The following ITGA9 variants were observed in gnomAD, a reference collection of about 807,000 sequenced individuals.
The protein encoded by ITGA9 is integrin alpha-9.
ITGA9 carries 56 observed loss-of-function variants against 127.8 expected under a neutral mutation model. The ratio of observed to expected loss-of-function variants is 0.44; its 90% CI spans 0.35 to 0.55. ITGA9 has a LOEUF of 0.55. ITGA9 is among the 20% of genes least tolerant of loss of function. The probability of loss-of-function intolerance (pLI) is 0.00; values close to 1 mark genes in which losing one functional copy is unlikely to be tolerated. For missense variants in ITGA9, 1,196 were observed against 1,347.1 expected, an observed-to-expected ratio of 0.89 and a Z score of 1.76; for synonymous variants, 508 against 514.5, an observed-to-expected ratio of 0.99 and a Z score of 0.17.
chr3:37,542,324 A>C, intron 14 of ITGA9, 101 bp from the exon 15 acceptor site: 1 of 1,232,932 alleles, frequency 8.1e-7, no homozygotes, highest in Non-Finnish European at 1.2e-6. Context: ...AAGGGTAGGT[A>C]TCATATGAGA....
rs114568932 is a variant in ITGA9, at chr3:37,550,164, C to A, written c.1689+7579C>A. Among the ~76,000 whole-genome samples the A allele has an allele frequency of 2.5e-3, 388 of 152,312 alleles. 2 individuals carry two copies. The highest frequency in any genetic ancestry group is 8.8e-3 in the African/African-American group (365 of 41,560). ...AGAGGTAGGATTTAAACCCGCAAGT[C>A]TGGCTCCTAAGACTTGGGTTTAAAC... On this transcript the variant is annotated intron_variant, in intron 15 of 27. Coordinates refer to ENST00000264741, the MANE Select transcript of ITGA9 (RefSeq NM_002207.3).
intron 15 of ITGA9, among the ~76,000 whole-genome samples, chr3:37,622,673 G>A (rs531122716): frequency 1.3e-4 from 19 of 151,898 alleles, no homozygotes; most frequent in Non-Finnish European, 2.1e-4. Context: ...TGAAAACCCC[G>A]TCTCTACTAA....
At chr3:37,785,873 A>C (rs1697034816) in intron 26 of ITGA9, among the ~76,000 whole-genome samples, 1 of 152,158 alleles carries the variant, frequency 6.6e-6, no homozygotes, top group Non-Finnish European at 1.5e-5. Context: ...TCCTCCATAA[A>C]GTGCAGTTGG....
rs1471998262 is a variant in ITGA9, at chr3:37,821,240, G to T, written c.*2251G>T. The T allele has an allele frequency of 6.6e-6, 1 of 152,240 alleles. No individual in the cohort carries two copies. The highest frequency in any genetic ancestry group is 1.5e-5 in the Non-Finnish European group (1 of 68,054). The allele number at this position is 152,240 out of a possible 1,614,324, so 9.4% of individuals were successfully genotyped here. A position where few individuals can be genotyped will look rare whatever the true frequency, so the allele number is the denominator to read the frequency against. ...CAGGGAGCAGGACGAGGCAAAGAAA[G>T]CAGCTGTCACTCAGAGTTCGCTTAT... On this transcript the variant is annotated 3_prime_UTR_variant, in exon 28 of 28. Transcript: ENST00000264741.
At position 37,736,007 on chromosome 3, in the gene ITGA9, C is replaced by T. The variant is rs72859102; in HGVS notation, c.2155-897C>T. ...GCAGATTCAGTTCCTGGCGAGAGTTCTCTTCCTGGTTCATAAACAGAACCT... is the reference window on the plus strand; with the variant it reads ...GCAGATTCAGTTCCTGGCGAGAGTTTTCTTCCTGGTTCATAAACAGAACCT... On this transcript the variant is annotated intron_variant, in intron 19 of 27. Coordinates refer to ENST00000264741, the MANE Select transcript of ITGA9 (RefSeq NM_002207.3). 6.6e-3 allele frequency among the ~76,000 whole-genome samples: 1,002 copies of T among 152,328 alleles called. 13 individuals are homozygous for T. The highest frequency in any genetic ancestry group is 0.023 in the African/African-American group (947 of 41,564).
At chr3:37,471,454 A>G (rs1184065168) in intron 2 of ITGA9, among the ~76,000 whole-genome samples, 2 of 152,172 alleles carry the variant, frequency 1.3e-5, no homozygotes, top group African/African-American at 4.8e-5. Context: ...GGGTCAAGAA[A>G]GGTCTGGGAC....
At chr3:37,808,853 G>A (rs1240099076) in intron 27 of ITGA9, 2 of 152,154 alleles carry the variant, frequency 1.3e-5, no homozygotes, top group Non-Finnish European at 2.9e-5. Flanking sequence ...TCCAGCAGAT[G>A]GTCTGACTTT....
At chr3:37,803,773 C>T in intron 26 of ITGA9, 50 bp from the exon 27 acceptor site, 1 of 1,428,630 alleles carries the variant, frequency 7.0e-7, no homozygotes, top group Non-Finnish European at 9.7e-7. Context: ...GACTCTGTCT[C>T]AAAAAAAAAA....
At position 37,814,568 on chromosome 3, in the gene ITGA9, C is replaced by A. The variant is rs559475642; in HGVS notation, c.3010-4323C>A. Among the ~76,000 whole-genome samples, 1,197 of 152,006 alleles carry A rather than the reference C, an allele frequency of 7.9e-3. 3 individuals are homozygous for A. Among genetic ancestry groups the A allele is most frequent in the Non-Finnish European group, 0.012 (806 of 67,944 alleles). On this transcript the variant is annotated intron_variant, in intron 27 of 27. Coordinates refer to ENST00000264741, the MANE Select transcript of ITGA9 (RefSeq NM_002207.3). This position sits in a 1 kb window ranked among gnomAD's most constrained non-coding sequence, Gnocchi z 4.3. ...AACAGAGCGAGACTCCATCCCCCACCCCCCCAAAAAAGAAACAATATTAGT... is the reference window on the plus strand; with the variant it reads ...AACAGAGCGAGACTCCATCCCCCACACCCCCAAAAAAGAAACAATATTAGT...
At chr3:37,810,713 G>A (rs1281065385) in intron 27 of ITGA9, among the ~76,000 whole-genome samples, 1 of 151,996 alleles carries the variant, frequency 6.6e-6, no homozygotes, top group Non-Finnish European at 1.5e-5. Flanking sequence ...ACCATGCCTG[G>A]CCTCAACAAC....
chr3:37,522,593 C>T (rs1046633065), intron 11 of ITGA9, among the ~76,000 whole-genome samples: 1 of 152,042 alleles, frequency 6.6e-6, no homozygotes, highest in Non-Finnish European at 1.5e-5. Flanking sequence ...TATATTGGAG[C>T]ATGCCTATAG....
chr3:37,555,517 G>A (rs548398043), intron 15 of ITGA9, among the ~76,000 whole-genome samples: 1 of 152,272 alleles, frequency 6.6e-6, no homozygotes, highest in East Asian at 1.9e-4. Flanking sequence ...GGACAGTGCA[G>A]ATATTGAAGT....
At chr3:37,595,773 C>T (rs1699864274) in intron 15 of ITGA9, among the ~76,000 whole-genome samples, 2 of 152,214 alleles carry the variant, frequency 1.3e-5, no homozygotes, top group South Asian at 4.1e-4. Context: ...TTTTTATGAA[C>T]ATTCTCTTTG....
intron 17 of ITGA9, among the ~76,000 whole-genome samples, chr3:37,681,017 G>A (rs1409017388): frequency 6.6e-6 from 1 of 152,158 alleles, no homozygotes; most frequent in South Asian, 2.1e-4. Context: ...TGTTATTCTT[G>A]TTGATGTGCC....
intron 15 of ITGA9, among the ~76,000 whole-genome samples, chr3:37,572,380 G>T (rs1457902083): frequency 2.0e-5 from 3 of 152,150 alleles, no homozygotes; most frequent in South Asian, 2.1e-4. Flanking sequence ...CTTACTGTGG[G>T]GTGGTTAAGA....
intron 16 of ITGA9, among the ~76,000 whole-genome samples, chr3:37,634,935 AG>A (rs1700263768): frequency 6.6e-6 from 1 of 152,228 alleles, no homozygotes; most frequent in African/African-American, 2.4e-5. Context: ...AATAATTAAC[AG>A]GAGGAACTTC....
intron 27 of ITGA9, among the ~76,000 whole-genome samples, chr3:37,811,647 G>T (rs186483811): frequency 5.3e-5 from 8 of 152,290 alleles, no homozygotes; most frequent in Non-Finnish European, 1.0e-4. Flanking sequence ...CAGTGAAGGA[G>T]AGAGACCATA....
At position 37,629,314 on chromosome 3, in the gene ITGA9, A is replaced by C; in HGVS notation, c.1817A>C (p.Gln606Pro). The change falls in exon 16 of 28, where the codon CAA becomes CCA. Residue 606 changes from glutamine (Q) to proline (P), a missense_variant. Coordinates refer to ENST00000264741, the MANE Select transcript of ITGA9 (RefSeq NM_002207.3). This position sits in a 1 kb window ranked among gnomAD's most constrained non-coding sequence, Gnocchi z 4.5. ...CCAGTTCTCCGCTGGAAAAAGGGAC[A>C]AAAGATTGCCCAAAAGAATCAGGTC... ...LTPVLRWKKGQKIAQKNQTVF... is the reference protein window; with the variant it reads ...LTPVLRWKKGPKIAQKNQTVF... 1 of 1,614,158 alleles carries C rather than the reference A, an allele frequency of 6.2e-7. No homozygotes were observed. Among genetic ancestry groups the C allele is most frequent in the Non-Finnish European group, 8.5e-7 (1 of 1,180,016 alleles).
intron 18 of ITGA9, among the ~76,000 whole-genome samples, chr3:37,684,997 C>G (rs9840735): frequency 0.073 from 11,107 of 152,180 alleles, 1,236 homozygotes; most frequent in African/African-American, 0.24. Flanking sequence ...AAAGTCGACT[C>G]TGCTCTACCC....
Sources: allele counts gnomAD v4.1 joint callset (sites outside exome capture counted in the v4.1 genomes callset), GRCh38; gene constraint gnomAD v4.1.1; non-coding constraint Gnocchi (gnomAD v3.1); transcripts MANE v1.5; gene names NCBI Gene and HGNC (gene_info 2026-07-23, HGNC 2026-07-21).